PDE6B: variants seen among roughly 807,000 people sequenced by gnomAD.
The protein encoded by PDE6B is phosphodiesterase 6B.
A neutral mutation model predicts 109.0 loss-of-function variants in PDE6B; 106 were observed. The observed-to-expected ratio is 0.97, with a 90% CI of 0.83 to 1.14. PDE6B has a LOEUF of 1.14. PDE6B is among the 50% of genes most tolerant of loss of function. The probability of loss-of-function intolerance (pLI) is 0.00; values close to 1 mark genes in which losing one functional copy is unlikely to be tolerated. For synonymous variants in PDE6B, 490 were observed against 471.3 expected (o/e 1.04, Z -0.51); for missense variants, 1,193 against 1,155.6 (o/e 1.03, Z -0.47).
chr4:654,388 C>G (rs1735939853), intron 5 of PDE6B: 1 of 653,738 alleles, frequency 1.5e-6, no homozygotes, highest in Non-Finnish European at 2.8e-6. Flanking sequence ...CGTGAAGACC[C>G]ACGTCGGCTC....
At position 666,945 on chromosome 4, in the gene PDE6B, T is replaced by C. The variant is rs962781607; in HGVS notation, c.2352+331T>C. 1.4e-4 allele frequency among the ~76,000 whole-genome samples: 22 copies of C among 152,220 alleles called. No homozygotes were observed. The highest frequency in any genetic ancestry group is 5.1e-4 in the African/African-American group (21 of 41,466). On this transcript the variant is annotated intron_variant, in intron 20 of 21. Transcript: ENST00000496514. This position sits in a 1 kb window ranked among gnomAD's most constrained non-coding sequence, Gnocchi z 5.6. ...CCTCCGCCGTGGCCAGCACACTGTTTTGGGGGCCTTGGCTGCAGCTCTGTG... is the reference window on the plus strand; with the variant it reads ...CCTCCGCCGTGGCCAGCACACTGTTCTGGGGGCCTTGGCTGCAGCTCTGTG...
At chr4:630,467 C>T (rs900043907) in intron 1 of PDE6B, among the ~76,000 whole-genome samples, 9 of 152,008 alleles carry the variant, frequency 5.9e-5, no homozygotes, top group African/African-American at 1.9e-4. Flanking sequence ...AGAGAGTGGC[C>T]GGATGTTTCC....
At position 633,601 on chromosome 4, in the gene PDE6B, T is replaced by G. The variant is rs2109130504; in HGVS notation, c.469-1076T>G. Among the ~76,000 whole-genome samples the G allele has an allele frequency of 6.6e-6, 1 of 152,238 alleles. No homozygotes were observed. The highest frequency in any genetic ancestry group is 2.4e-5 in the African/African-American group (1 of 41,556). ...TGAGGCGCATCCCAGGAGCTCCCATTCAGCTGGCGCAGTGGCTGAGGGCAG... is the reference window on the plus strand; with the variant it reads ...TGAGGCGCATCCCAGGAGCTCCCATGCAGCTGGCGCAGTGGCTGAGGGCAG... On this transcript the variant is annotated intron_variant, in intron 1 of 21. Transcript: ENST00000496514. The surrounding 1 kb of genome is among the most constrained non-coding windows in gnomAD (Gnocchi z 4.5).
chr4:632,684 T>C (rs1197838398), intron 1 of PDE6B, among the ~76,000 whole-genome samples: 1 of 150,816 alleles, frequency 6.6e-6, no homozygotes, highest in African/African-American at 2.4e-5. Context: ...TGGGGATCTG[T>C]GTGGTGCTGT....
intron 17 of PDE6B, among the ~76,000 whole-genome samples, chr4:664,541 C>T (rs1055246819): frequency 1.3e-5 from 2 of 152,144 alleles, no homozygotes; most frequent in Non-Finnish European, 2.9e-5. Context: ...GTCCCAGGGA[C>T]CCAGTGAGAA....
chr4:662,189 A>G lies in PDE6B; in HGVS notation c.1670A>G (p.His557Arg), dbSNP rs536742386. The G allele has an allele frequency of 2.5e-6, 4 of 1,581,922 alleles. No individual in the cohort carries two copies. The highest frequency in any genetic ancestry group is 3.3e-4 in the Middle Eastern group (2 of 6,028). ...ISKGYRRITY[H>R]NWRHGFNVAQ... ...AAAGGGTACCGGAGAATCACCTACC[A>G]CAACTGGCGCCACGGCTTCAACGTG... The change falls in exon 13 of 22, where the codon CAC becomes CGC. Residue 557 changes from histidine to arginine, a missense_variant. Physicochemically the swap from His to Arg is conservative, Grantham distance 29. Transcript: ENST00000496514. The surrounding 1 kb of genome is among the most constrained non-coding windows in gnomAD (Gnocchi z 4.3).
chr4:663,989 G>T lies in PDE6B; in HGVS notation c.2021+119G>T, dbSNP rs1363873966. 4 of 1,101,212 alleles carry T rather than the reference G, an allele frequency of 3.6e-6. No homozygotes were observed. The highest frequency in any genetic ancestry group is 3.7e-5 in the Admixed American group (2 of 53,632). 68.2% of individuals were successfully genotyped at this position (1,101,212 alleles called of 1,614,324 possible). Reference sequence around the variant, plus strand: ...GGACGCAGCCCCGGATTCCGTCCCTGCCCGCCGGCCCCGCGCACCCCGGAT... The same window carrying T: ...GGACGCAGCCCCGGATTCCGTCCCTTCCCGCCGGCCCCGCGCACCCCGGAT... On this transcript the variant is annotated intron_variant, in intron 16 of 21. Coordinates refer to ENST00000496514, the MANE Select transcript of PDE6B (RefSeq NM_000283.4). This position sits in a 1 kb window ranked among gnomAD's most constrained non-coding sequence, Gnocchi z 4.0.
At position 631,241 on chromosome 4, in the gene PDE6B, CAA is replaced by C. The variant is rs60643031; in HGVS notation, c.469-3435_469-3434del. Among the ~76,000 whole-genome samples the C allele has an allele frequency of 3.2e-3, 485 of 152,302 alleles. 5 individuals carry two copies. The highest frequency in any genetic ancestry group is 0.011 in the African/African-American group (461 of 41,568). Reference sequence around the variant, plus strand: ...CTGTTCCCATACTTTCTTTGTGAAACAAGAGCTGTGAAAACGTGTGGGGCAGA... The same window carrying C: ...CTGTTCCCATACTTTCTTTGTGAAACGAGCTGTGAAAACGTGTGGGGCAGA... On this transcript the variant is annotated intron_variant, in intron 1 of 21. Transcript: ENST00000496514.
Position 648,801 on chromosome 4 carries a change from A to G in PDE6B, c.712-5051A>G, listed in dbSNP as rs961740782. Among the ~76,000 whole-genome samples the G allele has an allele frequency of 2.0e-5, 3 of 152,234 alleles. No homozygotes were observed. Among genetic ancestry groups the G allele is most frequent in the Admixed American group, 1.3e-4 (2 of 15,290 alleles). On this transcript the variant is annotated intron_variant, in intron 3 of 21. Coordinates refer to ENST00000496514, the MANE Select transcript of PDE6B (RefSeq NM_000283.4). The surrounding 1 kb of genome is among the most constrained non-coding windows in gnomAD (Gnocchi z 4.5). ...AGCTGCATGAAAGGCCTGTGGGTGC[A>G]GGGCTGCAGCTCTCACCTTCAGGCC...
In PDE6B at chr4:662,590, C is replaced by G. The variant is rs754298498; in HGVS notation, c.1804C>G (p.Arg602Gly). The G allele has an allele frequency of 6.2e-7, 1 of 1,611,602 alleles. No individual in the cohort carries two copies. The highest frequency in any genetic ancestry group is 1.7e-4 in the Middle Eastern group (1 of 6,052). The change falls in exon 14 of 22, where the codon CGC (arginine) becomes GGC (glycine). Residue 602 changes from arginine to glycine, a missense_variant. Arg to Gly is a moderately radical substitution (Grantham distance 125). Transcript: ENST00000496514. This position sits in a 1 kb window ranked among gnomAD's most constrained non-coding sequence, Gnocchi z 4.3. ...TAGLCHDIDH[R>G]GTNNLYQMKS... ...CGGCCTGTGCCATGACATCGACCAC[C>G]GCGGCACCAACAACCTGTACCAGAT... is the stretch of plus-strand genomic sequence containing the variant.
chr4:637,704 C>T (rs895310411), intron 3 of PDE6B, among the ~76,000 whole-genome samples: 1 of 152,240 alleles, frequency 6.6e-6, no homozygotes, highest in African/African-American at 2.4e-5. Flanking sequence ...TCCGGCACAG[C>T]GAGAGGCAGC....
At chr4:652,338 G>A (rs916169627) in intron 3 of PDE6B, 1 of 178,504 alleles carries the variant, frequency 5.6e-6, no homozygotes, top group African/African-American at 2.4e-5. Flanking sequence ...CCAAAAGCTA[G>A]GATCTCACTC....
intron 1 of PDE6B, among the ~76,000 whole-genome samples, chr4:627,272 A>G (rs1390854078): frequency 6.6e-6 from 1 of 151,594 alleles, no homozygotes; most frequent in African/African-American, 2.4e-5. Context: ...TGGCCTCCTG[A>G]GTAGCTAGGA....
rs756711483 is a variant in PDE6B at position 657,424 on chromosome 4, G to A, written c.1331G>A (p.Arg444His). ...TYDKMNKLENRKDIAQDMVLY... is the reference protein window; with the variant it reads ...TYDKMNKLENHKDIAQDMVLY... ...GACAAGATGAACAAGCTGGAGAACC[G>A]CAAGGACATCGCACAGGACATGGTC... is the stretch of plus-strand genomic sequence containing the variant. The change falls in exon 10 of 22, where the codon CGC (arginine) becomes CAC (histidine). Residue 444 changes from arginine (R) to histidine (H), a missense_variant. Physicochemically the swap from Arg to His is conservative, Grantham distance 29 (BLOSUM62 0). Transcript: ENST00000496514. 27 of 1,613,106 alleles carry A rather than the reference G, an allele frequency of 1.7e-5. No homozygotes were observed. The highest frequency in any genetic ancestry group is 2.2e-5 in the East Asian group (1 of 44,884).
Position 625,874 on chromosome 4 carries a change from T to A in PDE6B, c.248T>A (p.Leu83His), listed in dbSNP as rs538758910. 6.2e-7 allele frequency: 1 copy of A among 1,608,808 alleles called. No homozygotes were observed. Among genetic ancestry groups the A allele is most frequent in the South Asian group, 1.1e-5 (1 of 90,484 alleles). Residue 83 changes from leucine (L) to histidine (H), a missense_variant, in exon 1 of 22, where the codon CTC becomes CAC. Coordinates refer to ENST00000496514, the MANE Select transcript of PDE6B (RefSeq NM_000283.4). The surrounding 1 kb of genome is among the most constrained non-coding windows in gnomAD (Gnocchi z 5.0). ...ERVVFKVLRR[L>H]CTLLQADRCS... ...GTGGTCTTCAAGGTCCTGCGGCGCC[T>A]CTGCACCCTCCTGCAGGCCGACCGC...
rs138423108 is a variant in PDE6B at position 625,759 on chromosome 4, G to A, written c.133G>A (p.Asp45Asn). ...ACEDGCPPDC[D>N]SLRDLCQVEE... ...CGAGGACGGGTGCCCGCCGGACTGC[G>A]ACAGCCTCCGGGACCTCTGCCAGGT... is the stretch of plus-strand genomic sequence containing the variant. Residue 45 changes from aspartate (D) to asparagine (N), a missense_variant, in exon 1 of 22, where the codon GAC becomes AAC. Physicochemically the swap from Asp to Asn is conservative, Grantham distance 23 (BLOSUM62 1). Coordinates refer to ENST00000496514, the MANE Select transcript of PDE6B (RefSeq NM_000283.4). This position sits in a 1 kb window ranked among gnomAD's most constrained non-coding sequence, Gnocchi z 5.0. The A allele has an allele frequency of 2.7e-5, 44 of 1,613,500 alleles. No homozygotes were observed. The African/African-American group carries it at 4.4e-4, about 16-fold the overall frequency.
At chr4:659,652 A>ATGTGTGCCCACGAGTATGTGTGTGCACG (rs1560128564) in intron 11 of PDE6B, among the ~76,000 whole-genome samples, 1 of 149,040 alleles carries the variant, frequency 6.7e-6, no homozygotes, top group African/African-American at 2.5e-5. Flanking sequence ...GTGTGTGCAC[A>ATGTGTGCCCACGAGTATGTGTGTGCACG]TGTGTGCCCA....
At chr4:649,110 T>C (rs28438498) in intron 3 of PDE6B, among the ~76,000 whole-genome samples, 28,639 of 152,206 alleles carry the variant, frequency 0.19, 3,010 homozygotes, top group African/African-American at 0.28. Flanking sequence ...GGCACAGCAG[T>C]CCGTCTGCCG....
At chr4:653,623 G>A (rs1407630777) in intron 3 of PDE6B, 7 of 616,578 alleles carry the variant, frequency 1.1e-5, no homozygotes, top group Non-Finnish European at 1.7e-5. Context: ...TCAGGGACAC[G>A]ACCGCAGCCT....
Sources: allele counts gnomAD v4.1 joint callset (sites outside exome capture counted in the v4.1 genomes callset), GRCh38; gene constraint gnomAD v4.1.1; non-coding constraint Gnocchi (gnomAD v3.1); transcripts MANE v1.5; gene names NCBI Gene and HGNC (gene_info 2026-07-23, HGNC 2026-07-21).